Variants in PARD3 observed in about 807,000 individuals in gnomAD.
PARD3 encodes par-3 family cell polarity regulator.
Under a neutral mutation model 155.4 loss-of-function variants are expected in PARD3, and 75 were observed. The ratio of observed to expected loss-of-function variants is 0.48; its 90% CI spans 0.40 to 0.58. The LOEUF (loss-of-function observed/expected upper bound fraction) is 0.58, where lower values mean the gene tolerates loss of function less well. Ranked by LOEUF, PARD3 falls within the 20% of genes least tolerant of loss-of-function variation. The pLI, the probability that PARD3 is intolerant of heterozygous loss-of-function variation, is 0.00. For synonymous variants in PARD3, 576 were observed against 610.5 expected (o/e 0.94, Z 0.83); for missense variants, 1,642 against 1,721.7 (o/e 0.95, Z 0.82).
At chr10:34,442,354 C>T (rs2076507792) in intron 5 of PARD3, among the ~76,000 whole-genome samples, 2 of 152,158 alleles carry the variant, frequency 1.3e-5, no homozygotes, top group Admixed American at 1.3e-4. Flanking sequence ...AGCTCTTCCA[C>T]GGTTTAATGC....
intron 5 of PARD3, among the ~76,000 whole-genome samples, chr10:34,413,990 C>G (rs1006854800): frequency 6.6e-6 from 1 of 152,180 alleles, no homozygotes; most frequent in East Asian, 1.9e-4. Flanking sequence ...GAAATCCCAT[C>G]TAGCCCGGGC....
At chr10:34,493,079 T>G (rs1022239623) in intron 3 of PARD3, among the ~76,000 whole-genome samples, 3 of 152,222 alleles carry the variant, frequency 2.0e-5, no homozygotes, top group African/African-American at 7.2e-5. Flanking sequence ...TGAACTTCAT[T>G]AGATCAATGT....
intron 2 of PARD3, among the ~76,000 whole-genome samples, chr10:34,632,144 A>C (rs1201165298): frequency 3.3e-5 from 5 of 152,190 alleles, no homozygotes; most frequent in Non-Finnish European, 7.3e-5. Flanking sequence ...CTGTAATCCC[A>C]GCTACTTGAG....
chr10:34,319,014 C>T (rs1003600582), intron 19 of PARD3, among the ~76,000 whole-genome samples: 6 of 150,106 alleles, frequency 4.0e-5, no homozygotes, highest in South Asian at 2.1e-4. Flanking sequence ...CTCCTGACCT[C>T]GTGATCTCCC....
chr10:34,411,769 TAGATAGATAGAC>T (rs1470168398), intron 5 of PARD3, among the ~76,000 whole-genome samples: 2 of 149,738 alleles, frequency 1.3e-5, no homozygotes, highest in Non-Finnish European at 3.0e-5. Context: ...GATAGATAGA[TAGATAGATAGAC>T]AGAATCTCCA....
At chr10:34,780,842 G>GA (rs1161240063) in intron 1 of PARD3, among the ~76,000 whole-genome samples, 13 of 152,178 alleles carry the variant, frequency 8.5e-5, no homozygotes, top group African/African-American at 3.1e-4. Flanking sequence ...AACATACGCT[G>GA]AAATAAGGAA....
chr10:34,369,026 T>G, intron 12 of PARD3, among the ~76,000 whole-genome samples: 1 of 147,388 alleles, frequency 6.8e-6, no homozygotes, highest in East Asian at 1.9e-4. Context: ...GCTTTTTTTT[T>G]TCCCCCCTCA....
chr10:34,570,575 T>C (rs2086309043), intron 2 of PARD3, among the ~76,000 whole-genome samples: 2 of 152,196 alleles, frequency 1.3e-5, no homozygotes, highest in Non-Finnish European at 2.9e-5. Flanking sequence ...CCCTCCAATT[T>C]AGACTAAAGT....
At chr10:34,121,426 G>A (rs995625545) in intron 23 of PARD3, among the ~76,000 whole-genome samples, 4 of 152,242 alleles carry the variant, frequency 2.6e-5, no homozygotes, top group African/African-American at 9.6e-5. Context: ...CATAGTCTGA[G>A]TGAGGAATGT....
chr10:34,336,156 G>A (rs1836159602), intron 18 of PARD3, 43 bp downstream of exon 18: 1 of 1,439,966 alleles, frequency 6.9e-7, no homozygotes, highest in Non-Finnish European at 9.8e-7. Flanking sequence ...TAAGCTATGT[G>A]GGCCATCGTT....
chr10:34,768,229 G>A (rs1838370410), intron 1 of PARD3, among the ~76,000 whole-genome samples: 2 of 152,090 alleles, frequency 1.3e-5, no homozygotes, highest in South Asian at 2.1e-4. Flanking sequence ...ACACAGCCTC[G>A]GGAGGTCCTG....
rs574084664 is a variant in PARD3 at position 34,251,652 on chromosome 10, C to CCT, written c.3419+18003_3419+18004dup. Among the ~76,000 whole-genome samples the CCT allele has an allele frequency of 1.6e-3, 245 of 151,404 alleles. 2 individuals are homozygous for CCT. The South Asian group carries it at 0.031, about 19-fold the overall frequency. ...TATCAAATCCTCTTTTGCTCTTCCC[C>CCT]CTCTCTCTCTCTCTCAAAACTATAC... On this transcript the variant is annotated intron_variant, in intron 22 of 24. Coordinates refer to ENST00000374788, the MANE Select transcript of PARD3 (RefSeq NM_001184785.2).
intron 1 of PARD3, among the ~76,000 whole-genome samples, chr10:34,783,360 T>C (rs1376001011): frequency 6.6e-6 from 1 of 151,946 alleles, no homozygotes; most frequent in Non-Finnish European, 1.5e-5. Flanking sequence ...ATCCCAGCAC[T>C]TTCGGAGGCC....
At chr10:34,233,660 C>T (rs956721179) in intron 22 of PARD3, among the ~76,000 whole-genome samples, 3 of 152,108 alleles carry the variant, frequency 2.0e-5, no homozygotes, top group African/African-American at 7.3e-5. Context: ...AAGTCAGAAT[C>T]TTGCCAGTCA....
At chr10:34,566,296 C>T (rs922104752) in intron 2 of PARD3, among the ~76,000 whole-genome samples, 1 of 152,186 alleles carries the variant, frequency 6.6e-6, no homozygotes, top group African/African-American at 2.4e-5. Context: ...AAAGCATCTG[C>T]AAAGAGGAAA....
intron 22 of PARD3, among the ~76,000 whole-genome samples, chr10:34,171,677 G>A (rs984162333): frequency 5.9e-5 from 9 of 151,734 alleles, no homozygotes; most frequent in African/African-American, 1.2e-4. Context: ...GGCCAGGTGC[G>A]GTGGCTCACA....
chr10:34,260,430 G>T (rs973251888), intron 22 of PARD3, among the ~76,000 whole-genome samples: 1 of 152,210 alleles, frequency 6.6e-6, no homozygotes, highest in African/African-American at 2.4e-5. Flanking sequence ...TGTTTAGAGA[G>T]CTGGCCTGGA....
chr10:34,769,798 AC>A (rs1838618712), intron 1 of PARD3, among the ~76,000 whole-genome samples: 8 of 19,068 alleles, frequency 4.2e-4, no homozygotes, highest in Non-Finnish European at 1.2e-3. Flanking sequence ...GAACAAAAAA[AC>A]AAAACAAAAA....
intron 2 of PARD3, among the ~76,000 whole-genome samples, chr10:34,625,574 C>T (rs571037951): frequency 2.0e-4 from 31 of 152,220 alleles, no homozygotes; most frequent in African/African-American, 5.8e-4. Flanking sequence ...GGAGGGTTTT[C>T]GACTTGAAAA....
Sources: allele counts gnomAD v4.1 joint callset (sites outside exome capture counted in the v4.1 genomes callset), GRCh38; gene constraint gnomAD v4.1.1; transcripts MANE v1.5; gene names NCBI Gene and HGNC (gene_info 2026-07-23, HGNC 2026-07-21).